Variants in PXDN observed in about 807,000 individuals in gnomAD.
PXDN encodes the protein peroxidasin, also known as peroxidasin homolog.
A neutral mutation model predicts 140.3 loss-of-function variants in PXDN; 77 were observed. The ratio of observed to expected loss-of-function variants is 0.55; its 90% confidence interval spans 0.46 to 0.66. The LOEUF (loss-of-function observed/expected upper bound fraction) is 0.66, where lower values mean the gene tolerates loss of function less well. PXDN is among the 30% of genes least tolerant of loss of function. The pLI, the probability that PXDN is intolerant of heterozygous loss-of-function variation, is 0.00. For synonymous variants in PXDN, 911 were observed against 857.4 expected (o/e 1.06, Z -1.09); for missense variants, 1,838 against 2,039.5 (o/e 0.90, Z 1.90).
intron 11 of PXDN, chr2:1,664,333 C>T (rs899935578): frequency 1.9e-5 from 3 of 157,270 alleles, no homozygotes; most frequent in Non-Finnish European, 4.2e-5. Flanking sequence ...GCTTGCATCC[C>T]AGGACAGGAA....
chr2:1,672,659 TCA>T (rs1321396306), intron 9 of PXDN, among the ~76,000 whole-genome samples: 1 of 152,240 alleles, frequency 6.6e-6, no homozygotes, highest in African/African-American at 2.4e-5. Flanking sequence ...CCAGGAATTC[TCA>T]GTCACTGATA....
intron 9 of PXDN, among the ~76,000 whole-genome samples, chr2:1,673,028 C>T (rs1403015843): frequency 1.3e-5 from 2 of 152,192 alleles, no homozygotes; most frequent in African/African-American, 2.4e-5. Flanking sequence ...CCTCAATCCG[C>T]TGTTCTTCAA....
chr2:1,719,020 C>T (rs1458890179), intron 1 of PXDN, among the ~76,000 whole-genome samples: 1 of 152,268 alleles, frequency 6.6e-6, no homozygotes, highest in Non-Finnish European at 1.5e-5. Context: ...ACGCAAGGTC[C>T]CTGCAAAGGC....
intron 1 of PXDN, among the ~76,000 whole-genome samples, chr2:1,720,137 A>G (rs140892741): frequency 2.0e-4 from 4 of 19,718 alleles, no homozygotes; most frequent in African/African-American, 2.3e-4. Flanking sequence ...GAGGGAGGGA[A>G]GAATGCAGAG....
At chr2:1,658,565 T>C (rs558532535) in intron 14 of PXDN, among the ~76,000 whole-genome samples, 1 of 151,620 alleles carries the variant, frequency 6.6e-6, no homozygotes, top group South Asian at 2.1e-4. Flanking sequence ...CCCCCCACTA[T>C]CCTCCCCGAC....
intron 1 of PXDN, among the ~76,000 whole-genome samples, chr2:1,694,375 A>G (rs1422969840): frequency 2.0e-5 from 3 of 152,168 alleles, no homozygotes; most frequent in South Asian, 2.1e-4. Context: ...GTTCAATAAG[A>G]TACTTCAAAA....
At chr2:1,670,923 G>A (rs1012769937) in intron 9 of PXDN, among the ~76,000 whole-genome samples, 4 of 152,088 alleles carry the variant, frequency 2.6e-5, no homozygotes, top group Non-Finnish European at 5.9e-5. Flanking sequence ...ACCAAAATCC[G>A]GTCCTCACGT....
At chr2:1,680,506 G>T in intron 6 of PXDN, 144 bp from the exon 7 acceptor site, 1 of 1,011,476 alleles carries the variant, frequency 9.9e-7, no homozygotes, top group Non-Finnish European at 1.5e-6. Flanking sequence ...CACGTCTCGT[G>T]GTGGAATCTG....
At position 1,648,444 on chromosome 2, in the gene PXDN, G is replaced by A. The variant is rs372885613; in HGVS notation, c.3336C>T (p.Gly1112=). 34 of 1,610,406 alleles carry A rather than the reference G, an allele frequency of 2.1e-5. No homozygotes were observed. Among genetic ancestry groups the A allele is most frequent in the African/African-American group, 1.7e-4 (13 of 75,034 alleles). The change falls in exon 17 of 23, where the codon GGC becomes GGT. Residue 1112 remains glycine, a synonymous_variant. Coordinates refer to ENST00000252804, the MANE Select transcript of PXDN (RefSeq NM_012293.3). The surrounding 1 kb of genome is among the most constrained non-coding windows in gnomAD (Gnocchi z 8.9). ...FFSPFRIVNE[G]GIDPLLRGLF... The stretch of plus-strand genomic sequence containing the variant: ...GCCCCCTGAGAAGCGGATCGATGCC[G>A]CCCTCATTCACAATCCGGAAGGGAG...
chr2:1,656,513 CCTGCCCTCTCCTGACAGAAAG>C (rs2125417270), intron 14 of PXDN, among the ~76,000 whole-genome samples: 1 of 152,008 alleles, frequency 6.6e-6, no homozygotes, highest in East Asian at 1.9e-4. Context: ...TTGACAGAGA[CCTGCCCTCTCCTGACAGAAAG>C]CTGCCCCCTC....
Position 1,744,423 on chromosome 2 carries a change from G to A in PXDN, c.33C>T (p.Arg11=). 1 of 1,507,192 alleles carries A rather than the reference G, an allele frequency of 6.6e-7. No individual in the cohort carries two copies. Among genetic ancestry groups the A allele is most frequent in the East Asian group, 2.7e-5 (1 of 37,234 alleles). The allele number at this position is 1,507,192 out of a possible 1,614,324, so 93.4% of individuals were successfully genotyped here. A position where few individuals can be genotyped will look rare whatever the true frequency, so the allele number is the denominator to read the frequency against. The change falls in exon 1 of 23, where the codon CGC becomes CGT. Residue 11 remains arginine (R), a synonymous_variant. Coordinates refer to ENST00000252804, the MANE Select transcript of PXDN (RefSeq NM_012293.3). MAKRSRGPGR[R]CLLALVLFCA... ...AGAACAGCACGAGCGCCAACAGGCA[G>A]CGGCGCCCGGGGCCCCTGGAGCGCT...
At chr2:1,640,769 G>A (rs558864977) in intron 19 of PXDN, among the ~76,000 whole-genome samples, 25 of 152,352 alleles carry the variant, frequency 1.6e-4, no homozygotes, top group African/African-American at 5.3e-4. Flanking sequence ...CTCACTGGCA[G>A]GTGGGGTCCA....
intron 1 of PXDN, among the ~76,000 whole-genome samples, chr2:1,720,534 C>T (rs1382223813): frequency 2.6e-5 from 4 of 152,116 alleles, no homozygotes; most frequent in African/African-American, 7.2e-5. Flanking sequence ...GGGAGTGCCT[C>T]GCTCCACGCT....
rs1413553168 is a variant in PXDN, at chr2:1,683,846, T to C, written c.489-119A>G. 2 of 919,650 alleles carry C rather than the reference T, an allele frequency of 2.2e-6. 1 individual carries two copies. 57.0% of individuals were successfully genotyped at this position (919,650 alleles called of 1,614,324 possible). ...AAAAAAATCTCAGTGATTACATTTA[T>C]TTAATACAAATGAATCTGAAAACAA... On this transcript the variant is annotated intron_variant, in intron 5 of 22. Coordinates refer to ENST00000252804, the MANE Select transcript of PXDN (RefSeq NM_012293.3).
At chr2:1,689,662 T>C (rs1338769537) in intron 3 of PXDN, among the ~76,000 whole-genome samples, 1 of 151,892 alleles carries the variant, frequency 6.6e-6, no homozygotes, top group African/African-American at 2.4e-5. Flanking sequence ...TGCACGCCTG[T>C]AATCCCAGCT....
At position 1,740,755 on chromosome 2, in the gene PXDN, T is replaced by G. The variant is rs535665893; in HGVS notation, c.200+3501A>C. On this transcript the variant is annotated intron_variant, in intron 1 of 22. Transcript: ENST00000252804. ...CCATGAGGGCAAGATTCCGGTCTCG[T>G]TTTCTGTGGGTGGCCCAACACCCAG... Among the ~76,000 whole-genome samples the G allele has an allele frequency of 5.3e-5, 8 of 152,252 alleles. No individual in the cohort carries two copies. The South Asian group carries it at 1.7e-3, about 32-fold the overall frequency.
chr2:1,741,134 T>C (rs1558535117), intron 1 of PXDN, among the ~76,000 whole-genome samples: 1 of 152,022 alleles, frequency 6.6e-6, no homozygotes, highest in Non-Finnish European at 1.5e-5. Flanking sequence ...CTAGCTCCAG[T>C]GTGTCCAGCC....
Position 1,720,810 on chromosome 2 carries a change from G to A in PXDN, c.200+23446C>T, listed in dbSNP as rs1056084329. Among the ~76,000 whole-genome samples, 20 of 151,472 alleles carry A rather than the reference G, an allele frequency of 1.3e-4. 1 individual carries two copies. Among genetic ancestry groups the A allele is most frequent in the African/African-American group, 4.6e-4 (19 of 41,142 alleles). On this transcript the variant is annotated intron_variant, in intron 1 of 22. Coordinates refer to ENST00000252804, the MANE Select transcript of PXDN (RefSeq NM_012293.3). Reference sequence around the variant, plus strand: ...GAGAACCCTGACCAACCCAGTGTTCGCAATGTGTGTCACATGACCTGGTCC... The same window carrying A: ...GAGAACCCTGACCAACCCAGTGTTCACAATGTGTGTCACATGACCTGGTCC...
At chr2:1,688,762 C>G (rs1025515146) in intron 3 of PXDN, among the ~76,000 whole-genome samples, 4 of 152,120 alleles carry the variant, frequency 2.6e-5, no homozygotes, top group Non-Finnish European at 5.9e-5. Context: ...CACGTCTCTT[C>G]AAAATTGATT....
Sources: gnomAD v4.1 joint callset for allele counts (sites outside exome capture counted in the v4.1 genomes callset) on GRCh38, gnomAD v4.1.1 for gene constraint, Gnocchi (gnomAD v3.1) non-coding constraint, MANE v1.5 for transcripts, NCBI Gene and HGNC (gene_info 2026-07-23, HGNC 2026-07-21) for gene names.